The following PRKCH variants were observed in gnomAD, a reference collection of about 807,000 sequenced individuals.
The protein encoded by PRKCH is protein kinase C eta type.
PRKCH carries 28 observed loss-of-function variants against 82.5 expected under a neutral mutation model. That is an observed-to-expected ratio of 0.34 (90% CI 0.25 to 0.47). The LOEUF (loss-of-function observed/expected upper bound fraction) is 0.47. PRKCH is among the 20% of genes least tolerant of loss of function. The pLI is 1.00. For synonymous variants in PRKCH, 322 were observed against 327.4 expected (o/e 0.98, Z 0.18); for missense variants, 705 against 881.8 (o/e 0.80, Z 2.54).
intron 2 of PRKCH, among the ~76,000 whole-genome samples, chr14:61,403,169 T>C (rs1382121352): frequency 6.6e-6 from 1 of 152,204 alleles, no homozygotes; most frequent in East Asian, 1.9e-4. Flanking sequence ...TGTAATGGAA[T>C]TGTTATTGTT....
chr14:61,531,982 A>G (rs981895010), intron 12 of PRKCH, among the ~76,000 whole-genome samples: 35 of 152,228 alleles, frequency 2.3e-4, no homozygotes, highest in Middle Eastern at 3.2e-3. Context: ...GCCAATTTTG[A>G]TAACATAAAC....
At chr14:61,382,465 GA>G (rs1360298703) in intron 1 of PRKCH, among the ~76,000 whole-genome samples, 1 of 151,750 alleles carries the variant, frequency 6.6e-6, no homozygotes, top group Non-Finnish European at 1.5e-5. Context: ...AAAAAAACAA[GA>G]AAAACCAATA....
intron 1 of PRKCH, chr14:61,281,051 T>C: frequency 6.6e-7 from 1 of 1,524,822 alleles, no homozygotes; most frequent in African/African-American, 1.4e-5. Flanking sequence ...AGCGCGATGC[T>C]GGCCGACAGC....
intron 2 of PRKCH, among the ~76,000 whole-genome samples, chr14:61,402,217 G>A (rs973045894): frequency 2.6e-5 from 4 of 152,152 alleles, no homozygotes; most frequent in African/African-American, 9.7e-5. Flanking sequence ...AGTACGAGAT[G>A]TTATAAAATC....
chr14:61,477,925 T>C (rs1885800606), intron 9 of PRKCH, among the ~76,000 whole-genome samples: 1 of 152,142 alleles, frequency 6.6e-6, no homozygotes. Context: ...TCCTGTCCAC[T>C]TGTGAGTGTG....
intron 1 of PRKCH, among the ~76,000 whole-genome samples, chr14:61,200,805 G>C (rs34780649): frequency 6.6e-6 from 1 of 151,830 alleles, no homozygotes; most frequent in South Asian, 2.1e-4. Context: ...ATCTCTTACT[G>C]TGACTAATTT....
chr14:61,203,949 G>T (rs993960164), intron 1 of PRKCH, among the ~76,000 whole-genome samples: 8 of 152,146 alleles, frequency 5.3e-5, no homozygotes, highest in Non-Finnish European at 5.9e-5. Flanking sequence ...TACTAGAAAT[G>T]CTAGCAATAA....
At chr14:61,522,857 G>T (rs1296198568) in intron 10 of PRKCH, among the ~76,000 whole-genome samples, 1 of 152,266 alleles carries the variant, frequency 6.6e-6, no homozygotes, top group Non-Finnish European at 1.5e-5. Flanking sequence ...GGTGGGTGAA[G>T]GGATGGATAT....
At chr14:61,203,436 CA>C (rs909338317) in intron 1 of PRKCH, among the ~76,000 whole-genome samples, 1 of 152,026 alleles carries the variant, frequency 6.6e-6, no homozygotes, top group African/African-American at 2.4e-5. Context: ...ACATCTCAGG[CA>C]TGGTGGAGGG....
rs1025682372 is a variant in PRKCH at position 61,484,831 on chromosome 14, C to A, written c.1279-671C>A. Among the ~76,000 whole-genome samples the A allele has an allele frequency of 2.1e-5, 3 of 145,534 alleles. No homozygotes were observed. The Admixed American group carries it at 2.1e-4, about 10-fold the overall frequency. The stretch of plus-strand genomic sequence containing the variant: ...TCGCTCAGGTGGGAGTGCCGTGGCA[C>A]AATCACAGCTCATTGCAGCCTTTAC... On this transcript the variant is annotated intron_variant, in intron 9 of 13. Transcript: ENST00000332981.
rs201281208 is a variant in PRKCH at position 61,443,303 on chromosome 14, C to G, written c.578+42C>G. ...CTTCTGTCCTCCTCAGAGCTTCCAT[C>G]TAATAGGCTTCCTCTGGTTATGTAT... On this transcript the variant is annotated intron_variant, in intron 3 of 13. Transcript: ENST00000332981. The G allele has an allele frequency of 1.7e-5, 27 of 1,577,172 alleles. No individual in the cohort carries two copies. In the East Asian group the frequency reaches 5.9e-4, roughly 34 times the overall value.
At chr14:61,350,306 C>T (rs1258142418) in intron 1 of PRKCH, among the ~76,000 whole-genome samples, 1 of 152,210 alleles carries the variant, frequency 6.6e-6, no homozygotes, top group South Asian at 2.1e-4. Flanking sequence ...AGCCTGTTGA[C>T]TGCTGGGCCC....
At chr14:61,192,548 G>A (rs2044413149) in intron 1 of PRKCH, among the ~76,000 whole-genome samples, 1 of 152,206 alleles carries the variant, frequency 6.6e-6, no homozygotes. Context: ...CGGTTATCAG[G>A]TAGGTGTGTG....
chr14:61,532,039 A>G (rs1176108688), intron 12 of PRKCH, among the ~76,000 whole-genome samples: 1 of 152,244 alleles, frequency 6.6e-6, no homozygotes, highest in African/African-American at 2.4e-5. Context: ...CGTACTTTGC[A>G]TGATCACTTT....
At chr14:61,477,517 T>G (rs1344432988) in intron 9 of PRKCH, among the ~76,000 whole-genome samples, 4 of 152,178 alleles carry the variant, frequency 2.6e-5, no homozygotes, top group African/African-American at 9.7e-5. Context: ...TGAATCAACT[T>G]TATAGAAAGG....
chr14:61,455,109 A>G (rs1884698227), intron 7 of PRKCH, among the ~76,000 whole-genome samples: 1 of 151,438 alleles, frequency 6.6e-6, no homozygotes. Flanking sequence ...AGCTCACTGC[A>G]AGCTCCGCCT....
At position 61,191,592 on chromosome 14, in the gene PRKCH, G is replaced by T. The variant is rs575395205; in HGVS notation, c.-19+3924G>T. The stretch of plus-strand genomic sequence containing the variant: ...GGAGGCTGAGGCAGGGGAATCTCTT[G>T]AAGCTGGGAGGCGGAGGTTGCGGTA... On this transcript the variant is annotated intron_variant, in intron 1 of 3. Coordinates refer to the PRKCH transcript ENST00000555185. Among the ~76,000 whole-genome samples the T allele has an allele frequency of 2.0e-5, 3 of 152,120 alleles. No homozygotes were observed. The South Asian group carries it at 6.2e-4, about 32-fold the overall frequency.
intron 1 of PRKCH, among the ~76,000 whole-genome samples, chr14:61,378,967 AT>A (rs1304237830): frequency 1.3e-5 from 2 of 152,212 alleles, no homozygotes; most frequent in East Asian, 3.8e-4. Context: ...ACAGTTATGT[AT>A]CGGGATCTGA....
chr14:61,503,539 C>T (rs1182963656), intron 10 of PRKCH, among the ~76,000 whole-genome samples: 1 of 152,130 alleles, frequency 6.6e-6, no homozygotes, highest in Non-Finnish European at 1.5e-5. Context: ...CTGTTCTCAA[C>T]AGCTTATTCC....
Sources: gnomAD v4.1 joint callset for allele counts (sites outside exome capture counted in the v4.1 genomes callset) on GRCh38, gnomAD v4.1.1 for gene constraint, MANE v1.5 for transcripts, NCBI Gene and HGNC (gene_info 2026-07-23, HGNC 2026-07-21) for gene names.